OSBPL1A: variants seen among roughly 807,000 people sequenced by gnomAD.
OSBPL1A encodes oxysterol binding protein like 1A.
In OSBPL1A, 80 loss-of-function variants were observed where a neutral mutation model predicts 137.1. The ratio of observed to expected loss-of-function variants is 0.58; its 90% CI spans 0.49 to 0.70. The LOEUF (loss-of-function observed/expected upper bound fraction) is 0.70, where lower values mean the gene tolerates loss of function less well. Ranked by LOEUF, OSBPL1A falls within the 30% of genes least tolerant of loss-of-function variation. The pLI, the probability that OSBPL1A is intolerant of heterozygous loss-of-function variation, is 0.00. For synonymous variants in OSBPL1A, 365 were observed against 389.7 expected (o/e 0.94, Z 0.75); for missense variants, 970 against 1,129.4 (o/e 0.86, Z 2.02).
intron 18 of OSBPL1A, among the ~76,000 whole-genome samples, chr18:24,185,114 C>T (rs2086710235): frequency 1.3e-5 from 2 of 152,010 alleles, no homozygotes; most frequent in Non-Finnish European, 2.9e-5. Flanking sequence ...TAAGACGAAA[C>T]TATGGAGACA....
rs796360487 is a variant in OSBPL1A at position 24,196,709 on chromosome 18, T to TA, written c.1602-510dup. ...TATTTTTAAAAAGTAAAAGCCAAAG[T>TA]AAAAATAAATAAAAAGTAAAAAGTA... is the stretch of plus-strand genomic sequence containing the variant. On this transcript the variant is annotated intron_variant, in intron 17 of 27. Transcript: ENST00000319481. Among the ~76,000 whole-genome samples the TA allele has an allele frequency of 7.2e-5, 11 of 152,204 alleles. No homozygotes were observed. In the East Asian group the frequency reaches 1.9e-3, roughly 27 times the overall value.
intron 14 of OSBPL1A, among the ~76,000 whole-genome samples, chr18:24,293,398 C>T (rs2588559): frequency 6.6e-6 from 1 of 152,156 alleles, no homozygotes; most frequent in African/African-American, 2.4e-5. Flanking sequence ...AAACGACTTC[C>T]TCTCCCGTCC....
chr18:24,355,604 A>G (rs983826499), intron 4 of OSBPL1A, among the ~76,000 whole-genome samples: 2 of 152,174 alleles, frequency 1.3e-5, no homozygotes, highest in African/African-American at 2.4e-5. Flanking sequence ...CCCTGATCCT[A>G]GGACCCATCC....
At chr18:24,355,985 C>CA (rs200338021) in intron 4 of OSBPL1A, among the ~76,000 whole-genome samples, 24,244 of 97,032 alleles carry the variant, frequency 0.25, 2,855 homozygotes, top group East Asian at 0.61. Flanking sequence ...ACTCTTGTCT[C>CA]AAAAAAAAAA....
rs553056905 is a variant in OSBPL1A at position 24,198,241 on chromosome 18, C to G, written c.1602-2041G>C. Among the ~76,000 whole-genome samples, 6 of 152,294 alleles carry G rather than the reference C, an allele frequency of 3.9e-5. 1 individual carries two copies. Among genetic ancestry groups the G allele is most frequent in the African/African-American group, 1.4e-4 (6 of 41,560 alleles). ...AATGTATAGACCGTGTGCTACCATT[C>G]TAACTAAAGGCAAGAATAGCAGAAA... On this transcript the variant is annotated intron_variant, in intron 17 of 27. Coordinates refer to ENST00000319481, the MANE Select transcript of OSBPL1A (RefSeq NM_080597.4).
At chr18:24,224,895 C>T (rs2088017941) in intron 17 of OSBPL1A, 147 bp downstream of exon 17, 7 of 1,026,396 alleles carry the variant, frequency 6.8e-6, no homozygotes, top group Non-Finnish European at 6.9e-6. Flanking sequence ...GGAAAAAGTG[C>T]TTAAGTTAAA....
intron 15 of OSBPL1A, among the ~76,000 whole-genome samples, chr18:24,244,085 G>T (rs1036430005): frequency 2.0e-5 from 3 of 152,072 alleles, no homozygotes; most frequent in African/African-American, 4.8e-5. Flanking sequence ...AAAAAGATAT[G>T]CAAAGTGCAA....
intron 26 of OSBPL1A, 139 bp downstream of exon 26, chr18:24,166,439 TG>T: frequency 9.4e-7 from 1 of 1,066,206 alleles, no homozygotes; most frequent in Admixed American, 2.9e-5. Flanking sequence ...GAATTTAAAT[TG>T]AATGTTAACT....
intron 14 of OSBPL1A, among the ~76,000 whole-genome samples, chr18:24,283,281 AATATATATATATATAT>A (rs869287828): frequency 1.3e-5 from 1 of 78,376 alleles, no homozygotes; most frequent in Admixed American, 1.8e-4. Context: ...AAAAAAAAAA[AATATATATATATATAT>A]ATATATGTAT....
chr18:24,393,120 TATG>T (rs1330992826), intron 1 of OSBPL1A, among the ~76,000 whole-genome samples: 1 of 152,256 alleles, frequency 6.6e-6, no homozygotes, highest in African/African-American at 2.4e-5. Context: ...TTGCTCTAAC[TATG>T]ATTAGTTGCT....
intron 11 of OSBPL1A, 84 bp downstream of exon 11, chr18:24,317,065 C>G: frequency 7.3e-7 from 1 of 1,367,534 alleles, no homozygotes; most frequent in Non-Finnish European, 1.0e-6. Flanking sequence ...CAAGATTTTA[C>G]AAGGCTGTAT....
chr18:24,302,925 C>T (rs1036961561), intron 14 of OSBPL1A, among the ~76,000 whole-genome samples: 24 of 151,950 alleles, frequency 1.6e-4, no homozygotes, highest in African/African-American at 4.8e-4. Flanking sequence ...AAGTGTTGTT[C>T]GAAGTAACAG....
Position 24,239,316 on chromosome 18 carries a change from G to A in OSBPL1A, c.1348C>T (p.Leu450=), listed in dbSNP as rs2146008520. The change falls in exon 16 of 28, where the codon CTG becomes TTG. Residue 450 remains leucine (L), a synonymous_variant. Transcript: ENST00000319481. Reference sequence around the variant, plus strand: ...TCTAATTCATGATGTTCAGTGGCCAGCGTCTCCAGTGCTTCTGACAAGATT... The same window carrying A: ...TCTAATTCATGATGTTCAGTGGCCAACGTCTCCAGTGCTTCTGACAAGATT... ...NKILSEALET[L]ATEHHELEQS... is the part of the protein sequence containing the mutation. 1 of 1,614,128 alleles carries A rather than the reference G, an allele frequency of 6.2e-7. No individual in the cohort carries two copies.
chr18:24,386,873 C>T (rs1906991679), intron 1 of OSBPL1A, among the ~76,000 whole-genome samples: 1 of 152,100 alleles, frequency 6.6e-6, no homozygotes, highest in Non-Finnish European at 1.5e-5. Flanking sequence ...GGAAAGATTG[C>T]TTAAGCCAGG....
chr18:24,259,088 T>C (rs1420982610), intron 15 of OSBPL1A, among the ~76,000 whole-genome samples: 10 of 152,136 alleles, frequency 6.6e-5, no homozygotes, highest in Non-Finnish European at 4.4e-5. Context: ...GCCCAGCTAA[T>C]TTTTTTATTT....
intron 9 of OSBPL1A, 52 bp from the exon 10 acceptor site, chr18:24,317,452 G>C (rs1454567723): frequency 7.3e-7 from 1 of 1,379,166 alleles, no homozygotes; most frequent in Admixed American, 1.7e-5. Flanking sequence ...AGATTCAAAT[G>C]CTTGACTGAT....
intron 1 of OSBPL1A, among the ~76,000 whole-genome samples, chr18:24,390,738 A>G (rs1304343443): frequency 6.6e-6 from 1 of 151,534 alleles, no homozygotes; most frequent in Non-Finnish European, 1.5e-5. Flanking sequence ...TAAATTAAAA[A>G]AAATTGAAAT....
chr18:24,317,517 A>G, intron 9 of OSBPL1A, 117 bp from the exon 10 acceptor site: 1 of 675,974 alleles, frequency 1.5e-6, no homozygotes, highest in Non-Finnish European at 2.4e-6. Flanking sequence ...GTAGCACTGA[A>G]CAGTAAAAAA....
chr18:24,194,998 A>G (rs146336496), intron 18 of OSBPL1A, among the ~76,000 whole-genome samples: 86 of 152,288 alleles, frequency 5.6e-4, no homozygotes, highest in Non-Finnish European at 9.1e-4. Context: ...GAGAAGAGAG[A>G]CATTGGAAAA....
Sources: gnomAD v4.1 joint callset for allele counts (sites outside exome capture counted in the v4.1 genomes callset) on GRCh38, gnomAD v4.1.1 for gene constraint, MANE v1.5 for transcripts, NCBI Gene and HGNC (gene_info 2026-07-23, HGNC 2026-07-21) for gene names.